The following RRAGC variants were observed in gnomAD, a reference collection of about 807,000 sequenced individuals.
RRAGC encodes the protein ras-related GTP-binding protein C.
Under a neutral mutation model 37.1 loss-of-function variants are expected in RRAGC, and 8 were observed. The ratio of observed to expected loss-of-function variants is 0.22; its 90% CI spans 0.13 to 0.39. The LOEUF (loss-of-function observed/expected upper bound fraction) is 0.39, where lower values mean the gene tolerates loss of function less well. Ranked by LOEUF, RRAGC falls within the 10% of genes least tolerant of loss-of-function variation. The probability of loss-of-function intolerance (pLI) is 1.00; values close to 1 mark genes in which losing one functional copy is unlikely to be tolerated. For missense variants in RRAGC, 342 were observed against 497.6 expected (o/e 0.69, Z 2.98); for synonymous variants, 190 against 181.1 (o/e 1.05, Z -0.39).
intron 6 of RRAGC, among the ~76,000 whole-genome samples, chr1:38,842,040 A>G (rs1373300985): frequency 1.3e-5 from 2 of 152,152 alleles, no homozygotes; most frequent in Non-Finnish European, 2.9e-5. Context: ...CAGGAGGCTG[A>G]GGCAGGTGGA....
At chr1:38,850,615 C>G (rs979924655) in intron 5 of RRAGC, among the ~76,000 whole-genome samples, 6 of 152,058 alleles carry the variant, frequency 3.9e-5, no homozygotes, top group African/African-American at 1.2e-4. Flanking sequence ...CAAATGTACT[C>G]TCCTACTCAG....
rs72925120 is a variant in RRAGC, at chr1:38,856,798, T to C, written c.441+81A>G. The C allele has an allele frequency of 4.6e-3, 6,319 of 1,369,392 alleles. 233 individuals carry two copies. In the African/African-American group the frequency reaches 0.081, roughly 17 times the overall value. The allele number at this position is 1,369,392 out of a possible 1,614,324, so 84.8% of individuals were successfully genotyped here. A position where few individuals can be genotyped will look rare whatever the true frequency, so the allele number is the denominator to read the frequency against. On this transcript the variant is annotated intron_variant, in intron 2 of 6. Coordinates refer to ENST00000373001, the MANE Select transcript of RRAGC (RefSeq NM_022157.4). The stretch of plus-strand genomic sequence containing the variant: ...GCCAAAGAGATAAGCTGCAACCACA[T>C]GACAAAGAAGATAAACAACTTTCCT...
intron 6 of RRAGC, among the ~76,000 whole-genome samples, chr1:38,839,962 C>T (rs576928678): frequency 2.7e-4 from 41 of 151,908 alleles, no homozygotes; most frequent in East Asian, 1.4e-3. Context: ...CTGGCTAACA[C>T]GGTGAAACCC....
In RRAGC at chr1:38,859,496, C is replaced by T. The variant is rs946317451; in HGVS notation, c.151G>A (p.Gly51Ser). Residue 51 changes from glycine (G) to serine (S), a missense_variant, in exon 1 of 7, where the codon GGC becomes AGC. Physicochemically the swap from Gly to Ser is moderately conservative, Grantham distance 56. Coordinates refer to ENST00000373001, the MANE Select transcript of RRAGC (RefSeq NM_022157.4). Reference sequence around the variant, plus strand: ...CTGTCAGCGCCCCCCGGACCACAGCCACCGCCTGCCCCTGCCCCAACCCCT... The same window carrying T: ...CTGTCAGCGCCCCCCGGACCACAGCTACCGCCTGCCCCTGCCCCAACCCCT... ...GGGVGAGAGG[G>S]CGPGGADSSK... is the part of the protein sequence containing the mutation. The T allele has an allele frequency of 1.9e-6, 3 of 1,547,706 alleles. No homozygotes were observed. The highest frequency in any genetic ancestry group is 3.9e-5 in the Admixed American group (2 of 50,976).
intron 6 of RRAGC, among the ~76,000 whole-genome samples, chr1:38,844,025 A>AATC (rs954221103): frequency 1.2e-4 from 18 of 152,192 alleles, no homozygotes; most frequent in Non-Finnish European, 1.8e-4. Context: ...GATTTGGTGA[A>AATC]AATTCAATAT....
intron 3 of RRAGC, among the ~76,000 whole-genome samples, chr1:38,854,992 A>G (rs947699227): frequency 2.6e-5 from 4 of 152,228 alleles, no homozygotes; most frequent in Non-Finnish European, 5.9e-5. Flanking sequence ...TATTCCTCAT[A>G]CACTTTTAGA....
chr1:38,846,669 G>A (rs1199802187), intron 5 of RRAGC: 1 of 152,198 alleles, frequency 6.6e-6, no homozygotes, highest in Non-Finnish European at 1.5e-5. Context: ...AAGAGATACG[G>A]ACTCAAGAGT....
In RRAGC at chr1:38,839,226, G is replaced by T. The variant is rs760401544; in HGVS notation, c.*327C>A. The T allele has an allele frequency of 2.1e-5, 5 of 234,466 alleles. No homozygotes were observed. Among genetic ancestry groups the T allele is most frequent in the Non-Finnish European group, 3.2e-5 (4 of 123,174 alleles). 14.5% of individuals were successfully genotyped at this position (234,466 alleles called of 1,614,324 possible). On this transcript the variant is annotated 3_prime_UTR_variant, in exon 7 of 7. Coordinates refer to ENST00000373001, the MANE Select transcript of RRAGC (RefSeq NM_022157.4). ...CTGGAATTGATGGCAACATTCCCTG[G>T]TAAGGATGGGTAACTGGTGTTATCT...
chr1:38,855,608 G>C (rs1642158485), intron 3 of RRAGC, 100 bp downstream of exon 3: 1 of 936,468 alleles, frequency 1.1e-6, no homozygotes, highest in Non-Finnish European at 1.7e-6. Flanking sequence ...TGTGGCAAAG[G>C]GCACACAGGT....
Position 38,852,392 on chromosome 1 carries a change from T to C in RRAGC, c.738A>G (p.Leu246=). 1.9e-6 allele frequency: 3 copies of C among 1,573,782 alleles called. No individual in the cohort carries two copies. The highest frequency in any genetic ancestry group is 2.6e-6 in the Non-Finnish European group (3 of 1,144,124). The change falls in exon 4 of 7, where the codon CTA becomes CTG. Residue 246 remains leucine (L), a synonymous_variant. Coordinates refer to ENST00000373001, the MANE Select transcript of RRAGC (RefSeq NM_022157.4). ...CACTTACTGATATAAAGATATTTAA[T>C]AGGTTTTCCAAGGTCGGCAGTTGTG... ...LIPQLPTLEN[L]LNIFISNSGI... is the part of the protein sequence containing the mutation.
chr1:38,859,188 C>T (rs1642203532), intron 1 of RRAGC, among the ~76,000 whole-genome samples: 1 of 152,250 alleles, frequency 6.6e-6, no homozygotes, highest in Admixed American at 6.5e-5. Flanking sequence ...TCCCGGCAAC[C>T]AGTTTCGCCT....
At chr1:38,852,967 A>G (rs78706765) in intron 3 of RRAGC, among the ~76,000 whole-genome samples, 8,364 of 152,186 alleles carry the variant, frequency 0.055, 270 homozygotes, top group Non-Finnish European at 0.064. Flanking sequence ...CCTTTCCCCT[A>G]ATTTGTTTTT....
Position 38,858,067 on chromosome 1 carries a change from G to C in RRAGC, c.238-985C>G, listed in dbSNP as rs1467983812. Among the ~76,000 whole-genome samples, 3 of 152,194 alleles carry C rather than the reference G, an allele frequency of 2.0e-5. No individual in the cohort carries two copies. The East Asian group carries it at 5.8e-4, about 29-fold the overall frequency. On this transcript the variant is annotated intron_variant, in intron 1 of 6. Coordinates refer to ENST00000373001, the MANE Select transcript of RRAGC (RefSeq NM_022157.4). ...GAGAAAAGTGAACAATTACTCTCAA[G>C]GTTTTCTCAGTAACAAATGTGAATA...
chr1:38,853,633 G>A (rs1325593117), intron 3 of RRAGC, among the ~76,000 whole-genome samples: 1 of 152,066 alleles, frequency 6.6e-6, no homozygotes, highest in Non-Finnish European at 1.5e-5. Context: ...TGTAATCCCA[G>A]CTACTTGGGA....
At chr1:38,854,367 C>G (rs555108316) in intron 3 of RRAGC, among the ~76,000 whole-genome samples, 3 of 152,274 alleles carry the variant, frequency 2.0e-5, no homozygotes, top group South Asian at 2.1e-4. Context: ...CTATGCCTGG[C>G]CTAAATAAAA....
chr1:38,849,218 A>G (rs1642066187), intron 5 of RRAGC, among the ~76,000 whole-genome samples: 1 of 152,172 alleles, frequency 6.6e-6, no homozygotes, highest in African/African-American at 2.4e-5. Flanking sequence ...TTGAGGCTGC[A>G]GTGACCCGTG....
At chr1:38,849,308 T>C (rs1483204331) in intron 5 of RRAGC, among the ~76,000 whole-genome samples, 1 of 152,166 alleles carries the variant, frequency 6.6e-6, no homozygotes, top group Non-Finnish European at 1.5e-5. Flanking sequence ...CTCATCCTTC[T>C]GCTTAATCCC....
Position 38,859,723 on chromosome 1 carries a change from T to TCCGCCGCCGCCGCCACCACCG in RRAGC, c.-98_-78dup, listed in dbSNP as rs1642216487. On this transcript the variant is annotated 5_prime_UTR_variant, in exon 1 of 7. Coordinates refer to ENST00000373001, the MANE Select transcript of RRAGC (RefSeq NM_022157.4). The stretch of plus-strand genomic sequence containing the variant: ...CAGGCCGCCGCCTCCCCAGTCCGCC[T>TCCGCCGCCGCCGCCACCACCG]CCGCCGCCGCCGCCACCACCGCCAC... 1.7e-6 allele frequency: 2 copies of TCCGCCGCCGCCGCCACCACCG among 1,167,302 alleles called. No homozygotes were observed. Among genetic ancestry groups the TCCGCCGCCGCCGCCACCACCG allele is most frequent in the African/African-American group, 1.7e-5 (1 of 60,460 alleles). The allele number at this position is 1,167,302 out of a possible 1,614,324, so 72.3% of individuals were successfully genotyped here. A position where few individuals can be genotyped will look rare whatever the true frequency, so the allele number is the denominator to read the frequency against.
chr1:38,851,363 G>C, intron 5 of RRAGC: 1 of 285,490 alleles, frequency 3.5e-6, no homozygotes, highest in East Asian at 5.7e-5. Context: ...ACAACAGTGG[G>C]AGAAACTTGC....
Sources: allele counts gnomAD v4.1 joint callset (sites outside exome capture counted in the v4.1 genomes callset), GRCh38; gene constraint gnomAD v4.1.1; transcripts MANE v1.5; gene names NCBI Gene and HGNC (gene_info 2026-07-23, HGNC 2026-07-21).